Variants in FGGY observed in about 807,000 individuals in gnomAD.
The protein encoded by FGGY is FGGY carbohydrate kinase domain containing.
In FGGY, 72 loss-of-function variants were observed where a neutral mutation model predicts 71.3. That is an observed-to-expected ratio of 1.01 (90% CI 0.84 to 1.23). The LOEUF (loss-of-function observed/expected upper bound fraction) is 1.23, where lower values mean the gene tolerates loss of function less well. FGGY is among the 50% of genes most tolerant of loss of function. The pLI is 0.00. For synonymous variants in FGGY, 251 were observed against 250.3 expected, an observed-to-expected ratio of 1.00 and a Z score of -0.02; for missense variants, 668 against 682.3, an observed-to-expected ratio of 0.98 and a Z score of 0.23.
At chr1:59,325,365 G>GA (rs1557550654) in intron 2 of FGGY, among the ~76,000 whole-genome samples, 1 of 66,744 alleles carries the variant, frequency 1.5e-5, no homozygotes, top group African/African-American at 5.4e-5. Flanking sequence ...TCCAACAACA[G>GA]CAACAACAAC....
At chr1:59,441,072 A>G (rs2069728592) in intron 5 of FGGY, among the ~76,000 whole-genome samples, 1 of 152,154 alleles carries the variant, frequency 6.6e-6, no homozygotes, top group African/African-American at 2.4e-5. Context: ...TTGTGCTCCC[A>G]TAAAGCTTTA....
At chr1:59,636,753 G>T (rs2096964289) in intron 10 of FGGY, among the ~76,000 whole-genome samples, 1 of 152,164 alleles carries the variant, frequency 6.6e-6, no homozygotes, top group Non-Finnish European at 1.5e-5. Context: ...GAAACTTTTG[G>T]CAACTTCATG....
At chr1:59,479,927 C>T (rs780675262) in intron 6 of FGGY, among the ~76,000 whole-genome samples, 55 of 152,116 alleles carry the variant, frequency 3.6e-4, no homozygotes, top group Non-Finnish European at 6.8e-4. Context: ...TCTGCAAGTC[C>T]TTGACACCAC....
intron 5 of FGGY, among the ~76,000 whole-genome samples, chr1:59,454,957 G>T (rs1432345350): frequency 6.6e-6 from 1 of 152,200 alleles, no homozygotes; most frequent in Admixed American, 6.5e-5. Flanking sequence ...TATTGTCCTT[G>T]TGAGATAGGT....
In FGGY at chr1:59,364,135, G is replaced by A. The variant is rs574243350; in HGVS notation, c.466-14614G>A. Among the ~76,000 whole-genome samples, 8 of 152,266 alleles carry A rather than the reference G, an allele frequency of 5.3e-5. No individual in the cohort carries two copies. In the South Asian group the frequency reaches 1.7e-3, roughly 32 times the overall value. On this transcript the variant is annotated intron_variant, in intron 4 of 15. Transcript: ENST00000303721. Reference sequence around the variant, plus strand: ...TGAGCCAGCTTGGAACAGATGCCAGGTTATCCTCAGGTGTCCCAGAGCGCT... The same window carrying A: ...TGAGCCAGCTTGGAACAGATGCCAGATTATCCTCAGGTGTCCCAGAGCGCT...
intron 8 of FGGY, among the ~76,000 whole-genome samples, chr1:59,590,639 C>T (rs1259181854): frequency 6.6e-6 from 1 of 152,070 alleles, no homozygotes; most frequent in African/African-American, 2.4e-5. Context: ...TCAATATAGG[C>T]AAATCAATAA....
At chr1:59,761,818 A>T (rs2098342926) in intron 15 of FGGY, among the ~76,000 whole-genome samples, 1 of 152,258 alleles carries the variant, frequency 6.6e-6, no homozygotes, top group African/African-American at 2.4e-5. Context: ...CTAGATGTGG[A>T]ATCTGCAAAA....
rs569301310 is a variant in FGGY at position 59,510,581 on chromosome 1, A to G, written c.671-1730A>G. Among the ~76,000 whole-genome samples the G allele has an allele frequency of 4.6e-5, 7 of 152,348 alleles. No individual in the cohort carries two copies. The East Asian group carries it at 1.2e-3, about 25-fold the overall frequency. ...GCATCTTATACTTATCCTCCAGACC[A>G]TCAGTGTCCAATAGAAATATAATAT... On this transcript the variant is annotated intron_variant, in intron 6 of 15. Transcript: ENST00000303721.
intron 5 of FGGY, among the ~76,000 whole-genome samples, chr1:59,450,774 T>C (rs1446624408): frequency 6.6e-6 from 1 of 152,146 alleles, no homozygotes; most frequent in Non-Finnish European, 1.5e-5. Flanking sequence ...TTGAGCATTT[T>C]GTCATTATGA....
intron 5 of FGGY, among the ~76,000 whole-genome samples, chr1:59,435,183 A>G (rs2068165491): frequency 6.6e-6 from 1 of 152,248 alleles, no homozygotes; most frequent in African/African-American, 2.4e-5. Flanking sequence ...AATGTGAGTT[A>G]GTGGATATTA....
chr1:59,697,641 T>C, intron 14 of FGGY: 1 of 1,303,134 alleles, frequency 7.7e-7, no homozygotes, highest in Non-Finnish European at 1.0e-6. Context: ...TTGTGACTTC[T>C]TTCCAGTGGG....
At chr1:59,554,836 G>A (rs961796459) in intron 8 of FGGY, among the ~76,000 whole-genome samples, 1 of 152,098 alleles carries the variant, frequency 6.6e-6, no homozygotes, top group East Asian at 1.9e-4. Flanking sequence ...ATTCCATTCC[G>A]ATAAGTACCC....
chr1:59,545,797 T>G (rs1357282802), intron 7 of FGGY, among the ~76,000 whole-genome samples: 1 of 152,234 alleles, frequency 6.6e-6, no homozygotes, highest in Non-Finnish European at 1.5e-5. Context: ...ACAGAAATGA[T>G]GAATGCCATC....
Position 59,646,736 on chromosome 1 carries a change from GA to G in FGGY, c.1221+8363del, listed in dbSNP as rs2097098444. ...GACAATGTTGTTGTCCCATTTAAAA[GA>G]AGAGAGAAACCGAGGCTCAAGGAGT... On this transcript the variant is annotated intron_variant, in intron 11 of 15. Coordinates refer to ENST00000303721, the MANE Select transcript of FGGY (RefSeq NM_018291.5). Among the ~76,000 whole-genome samples, 3 of 152,032 alleles carry G rather than the reference GA, an allele frequency of 2.0e-5. No homozygotes were observed. In the South Asian group the frequency reaches 6.2e-4, roughly 32 times the overall value.
rs550688130 is a variant in FGGY, at chr1:59,722,401, CA to C, written c.1513-35527del. ...TGGAAAGAAGTCACTAAACACATCTCAAACTTAAGGAGTGAGTGAGAAGTAA... is the reference window on the plus strand; with the variant it reads ...TGGAAAGAAGTCACTAAACACATCTCAACTTAAGGAGTGAGTGAGAAGTAA... On this transcript the variant is annotated intron_variant, in intron 14 of 15. Coordinates refer to ENST00000303721, the MANE Select transcript of FGGY (RefSeq NM_018291.5). Among the ~76,000 whole-genome samples, 830 of 152,306 alleles carry C rather than the reference CA, an allele frequency of 5.4e-3. 9 individuals are homozygous for C. The highest frequency in any genetic ancestry group is 0.019 in the African/African-American group (808 of 41,572).
rs959278208 is a variant in FGGY, at chr1:59,625,994, C to T, written c.1018C>T (p.His340Tyr). ...GQSVTGKLID[H>Y]MVQGHAAFPE... ...CATGTCTCTTATTTTTCAGATAGACCACATGGTACAAGGCCATGCTGCTTT... is the reference window on the plus strand; with the variant it reads ...CATGTCTCTTATTTTTCAGATAGACTACATGGTACAAGGCCATGCTGCTTT... Residue 340 changes from histidine to tyrosine, a missense_variant, in exon 10 of 16, where the codon CAC becomes TAC. This residue lies in a region of FGGY where 661 missense variants were observed against 661.6 expected (regional missense o/e 1.00). Coordinates refer to ENST00000303721, the MANE Select transcript of FGGY (RefSeq NM_018291.5). 6.2e-7 allele frequency: 1 copy of T among 1,601,594 alleles called. No homozygotes were observed. Among genetic ancestry groups the T allele is most frequent in the Middle Eastern group, 1.7e-4 (1 of 6,022 alleles).
chr1:59,424,734 A>G (rs2153450269), intron 5 of FGGY, among the ~76,000 whole-genome samples: 1 of 152,288 alleles, frequency 6.6e-6, no homozygotes, highest in East Asian at 1.9e-4. Flanking sequence ...CTTGGCATAC[A>G]GTCAGTTTTC....
At chr1:59,639,808 C>G (rs1406936880) in intron 11 of FGGY, among the ~76,000 whole-genome samples, 1 of 152,184 alleles carries the variant, frequency 6.6e-6, no homozygotes, top group East Asian at 1.9e-4. Flanking sequence ...CCTTCCCTAG[C>G]CAATGTCTGT....
chr1:59,667,298 A>C lies in FGGY; in HGVS notation c.1312A>C (p.Ile438Leu). The C allele has an allele frequency of 4.3e-6, 7 of 1,614,152 alleles. No individual in the cohort carries two copies. Among genetic ancestry groups the C allele is most frequent in the Non-Finnish European group, 5.1e-6 (6 of 1,180,010 alleles). Residue 438 changes from isoleucine to leucine, a missense_variant, in exon 13 of 16, where the codon ATT (isoleucine) becomes CTT (leucine). Transcript: ENST00000303721. ...VQAIALGTRFIIEAMEAAGHS... is the reference protein window; with the variant it reads ...VQAIALGTRFLIEAMEAAGHS... Reference sequence around the variant, plus strand: ...TCCTTTCAAGTTGGGGACTCGCTTCATTATAGAAGCCATGGAGGCAGCAGG... The same window carrying C: ...TCCTTTCAAGTTGGGGACTCGCTTCCTTATAGAAGCCATGGAGGCAGCAGG...
Sources: gnomAD v4.1 joint callset for allele counts (sites outside exome capture counted in the v4.1 genomes callset) on GRCh38, gnomAD v4.1.1 for gene constraint, gnomAD v4.1.1 regional missense constraint, MANE v1.5 for transcripts, NCBI Gene and HGNC (gene_info 2026-07-23, HGNC 2026-07-21) for gene names.